RBFOX1: variants seen among roughly 807,000 people sequenced by gnomAD.
The protein encoded by RBFOX1 is RNA binding fox-1 homolog 1, also known as RNA binding protein fox-1 homolog 1.
In RBFOX1, 8 loss-of-function variants were observed where a neutral mutation model predicts 57.7. The observed-to-expected ratio is 0.14, with a 90% CI of 0.08 to 0.25. The LOEUF (loss-of-function observed/expected upper bound fraction) is 0.25. Ranked by LOEUF, RBFOX1 falls within the 10% of genes least tolerant of loss-of-function variation. The probability of loss-of-function intolerance (pLI) is 1.00; values close to 1 mark genes in which losing one functional copy is unlikely to be tolerated. For missense variants in RBFOX1, 611 were observed against 548.5 expected (o/e 1.11, Z -1.14); for synonymous variants, 326 against 222.4 (o/e 1.47, Z -4.15).
intron 3 of RBFOX1, among the ~76,000 whole-genome samples, chr16:6,900,202 G>A (rs939716860): frequency 1.3e-5 from 2 of 152,166 alleles, no homozygotes; most frequent in African/African-American, 2.4e-5. Flanking sequence ...GAATTGGAAT[G>A]TATCTGTGAA....
In RBFOX1 at chr16:5,947,407, G is replaced by A. The variant is rs149033711; in HGVS notation, c.351+80072G>A. Among the ~76,000 whole-genome samples the A allele has an allele frequency of 2.6e-4, 40 of 152,190 alleles. No individual in the cohort carries two copies. Among genetic ancestry groups the A allele is most frequent in the African/African-American group, 5.8e-4 (24 of 41,526 alleles). On this transcript the variant is annotated intron_variant, in intron 4 of 19. Coordinates refer to the RBFOX1 transcript ENST00000641259. This position sits in a 1 kb window ranked among gnomAD's most constrained non-coding sequence, Gnocchi z 7.2. The stretch of plus-strand genomic sequence containing the variant: ...TGTTTTCAGACAGGGTCTTGCTCTC[G>A]CTCAGACTGGAGTGCATTGGTATGA...
intron 3 of RBFOX1, among the ~76,000 whole-genome samples, chr16:6,834,374 G>T (rs2092934400): frequency 6.6e-6 from 1 of 152,032 alleles, no homozygotes; most frequent in Non-Finnish European, 1.5e-5. Flanking sequence ...ACCACGCCTG[G>T]CCCTGATCCA....
intron 4 of RBFOX1, among the ~76,000 whole-genome samples, chr16:7,340,108 T>G (rs572067586): frequency 1.3e-3 from 193 of 152,328 alleles, no homozygotes; most frequent in African/African-American, 4.4e-3. Context: ...TTGCCCACTT[T>G]AGAGCCAGAG....
chr16:5,527,830 T>G (rs530178912), intron 2 of RBFOX1, among the ~76,000 whole-genome samples: 9 of 152,274 alleles, frequency 5.9e-5, no homozygotes, highest in Non-Finnish European at 1.3e-4. Flanking sequence ...GGGTTTTGTC[T>G]TGGATACCCT....
chr16:5,306,265 A>G (rs2063930545), intron 1 of RBFOX1, among the ~76,000 whole-genome samples: 1 of 152,252 alleles, frequency 6.6e-6, no homozygotes, highest in African/African-American at 2.4e-5. Flanking sequence ...TGATTTGGAT[A>G]ACAGTCCCTA....
chr16:6,035,552 T>C (rs2095354891), intron 1 of RBFOX1, among the ~76,000 whole-genome samples: 2 of 152,196 alleles, frequency 1.3e-5, no homozygotes, highest in Non-Finnish European at 2.9e-5. Context: ...GTCCAGCTTA[T>C]ATATTATACA....
intron 12 of RBFOX1, among the ~76,000 whole-genome samples, chr16:7,659,479 A>G (rs1462033584): frequency 2.0e-5 from 3 of 152,248 alleles, no homozygotes; most frequent in African/African-American, 7.2e-5. Flanking sequence ...TTCTCAGAAT[A>G]CTTTAGACAC....
At chr16:6,500,528 C>T (rs956868652) in intron 2 of RBFOX1, among the ~76,000 whole-genome samples, 2 of 152,166 alleles carry the variant, frequency 1.3e-5, no homozygotes, top group African/African-American at 4.8e-5. Context: ...ATGATTAAGT[C>T]ATCTCAGGAA....
At chr16:7,038,375 A>T (rs1175100621) in intron 3 of RBFOX1, among the ~76,000 whole-genome samples, 1 of 152,188 alleles carries the variant, frequency 6.6e-6, no homozygotes, top group Non-Finnish European at 1.5e-5. Context: ...CTGCTGAAAC[A>T]AATAGAAATC....
chr16:6,137,811 G>C (rs2096679229), intron 1 of RBFOX1, among the ~76,000 whole-genome samples: 1 of 151,844 alleles, frequency 6.6e-6, no homozygotes, highest in African/African-American at 2.4e-5. Context: ...TTCCCACTAT[G>C]TTGTCCAGGC....
At chr16:7,231,932 C>A (rs971263001) in intron 4 of RBFOX1, among the ~76,000 whole-genome samples, 1 of 152,078 alleles carries the variant, frequency 6.6e-6, no homozygotes, top group Non-Finnish European at 1.5e-5. Context: ...TAAATAGGTA[C>A]AGATTTTGTT....
intron 2 of RBFOX1, among the ~76,000 whole-genome samples, chr16:6,354,411 C>T (rs139171970): frequency 6.6e-6 from 1 of 152,174 alleles, no homozygotes; most frequent in Non-Finnish European, 1.5e-5. Context: ...CGCTTCCACT[C>T]TGAGTCTGCA....
chr16:7,627,124 C>CTT (rs58159930), intron 10 of RBFOX1, among the ~76,000 whole-genome samples: 20,159 of 127,984 alleles, frequency 0.16, 2,237 homozygotes, highest in African/African-American at 0.3. Flanking sequence ...CCTCCGCCTC[C>CTT]TTTTTTTTTT....
At chr16:5,491,628 C>T (rs1266707961) in intron 2 of RBFOX1, among the ~76,000 whole-genome samples, 10 of 152,206 alleles carry the variant, frequency 6.6e-5, no homozygotes, top group Admixed American at 3.9e-4. Context: ...GTGATTTTTA[C>T]GTAGTGTTCA....
chr16:5,347,370 C>T (rs187220485), intron 1 of RBFOX1, among the ~76,000 whole-genome samples: 1 of 152,288 alleles, frequency 6.6e-6, no homozygotes, highest in African/African-American at 2.4e-5. Context: ...CTCCTTGAAT[C>T]ATACTTTGTT....
intron 4 of RBFOX1, among the ~76,000 whole-genome samples, chr16:7,294,304 C>T (rs991772451): frequency 6.6e-5 from 10 of 152,098 alleles, no homozygotes; most frequent in South Asian, 2.1e-4. Context: ...AACTGCCAAA[C>T]GCTGCACCTT....
At chr16:6,989,478 C>T (rs906088115) in intron 3 of RBFOX1, among the ~76,000 whole-genome samples, 3 of 152,102 alleles carry the variant, frequency 2.0e-5, no homozygotes, top group Non-Finnish European at 4.4e-5. Context: ...ATATCATCCT[C>T]TGTAATTATT....
At chr16:5,702,222 A>C (rs12922315) in intron 3 of RBFOX1, among the ~76,000 whole-genome samples, 31,192 of 152,178 alleles carry the variant, frequency 0.2, 4,480 homozygotes, top group East Asian at 0.64. Flanking sequence ...GGGAGACCTC[A>C]GGAAACTTAC....
At chr16:7,489,966 TCTTA>T (rs2066492328) in intron 4 of RBFOX1, among the ~76,000 whole-genome samples, 1 of 152,170 alleles carries the variant, frequency 6.6e-6, no homozygotes, top group Non-Finnish European at 1.5e-5. Flanking sequence ...ATTCTAGGGA[TCTTA>T]CTTCAGATGT....
Sources: gnomAD v4.1 joint callset for allele counts (sites outside exome capture counted in the v4.1 genomes callset) on GRCh38, gnomAD v4.1.1 for gene constraint, Gnocchi (gnomAD v3.1) non-coding constraint, MANE v1.5 for transcripts, NCBI Gene and HGNC (gene_info 2026-07-23, HGNC 2026-07-21) for gene names.